Variants in PYGM observed in about 807,000 individuals in gnomAD.
PYGM encodes glycogen phosphorylase, muscle form.
PYGM carries 81 observed loss-of-function variants against 99.3 expected under a neutral mutation model. The ratio of observed to expected loss-of-function variants is 0.82; its 90% CI spans 0.68 to 0.98. The LOEUF (loss-of-function observed/expected upper bound fraction) is 0.98. Ranked by LOEUF, PYGM falls within the 50% of genes least tolerant of loss-of-function variation. The pLI is 0.00. For missense variants in PYGM, 1,030 were observed against 1,158.1 expected (o/e 0.89, Z 1.61); for synonymous variants, 436 against 451.5 (o/e 0.97, Z 0.44).
At chr11:64,750,667 G>A in intron 16 of PYGM, 84 bp from the exon 17 acceptor site, 2 of 1,360,222 alleles carry the variant, frequency 1.5e-6, no homozygotes, top group Non-Finnish European at 2.1e-6. Context: ...CTGGCCCCAG[G>A]CATAGCTGGA....
In PYGM at chr11:64,758,704, T is replaced by C; in HGVS notation, c.244A>G (p.Arg82Gly). ...QQHYYEKDPK[R>G]IYYLSLEFYM... ...AACTCTAAAGACAGGTAGTAGATCC[T>C]CTGCCCAGAGAGACGGATGGGCAGG... Residue 82 changes from arginine to glycine, a missense_variant and splice_region_variant, in exon 2 of 20, where the codon AGG becomes GGG. By Grantham distance (125) the Arg-to-Gly change is moderately radical. Transcript: ENST00000164139. 6.3e-7 allele frequency: 1 copy of C among 1,599,094 alleles called. No homozygotes were observed. Among genetic ancestry groups the C allele is most frequent in the South Asian group, 1.1e-5 (1 of 90,732 alleles).
Position 64,746,712 on chromosome 11 carries a change from A to C in PYGM, c.2476T>G (p.Trp826Gly). The change falls in exon 20 of 20, where the codon TGG becomes GGG. Residue 826 changes from tryptophan to glycine, a missense_variant. Trp to Gly is a radical substitution (Grantham distance 184). Coordinates refer to ENST00000164139, the MANE Select transcript of PYGM (RefSeq NM_005609.4). ...RTIAQYAREI[W>G]GVEPSRQRLP... is the part of the protein sequence containing the mutation. ...CGCTGGCGGGAAGGCTCCACACCCCAGATCTCCCGGGCATACTGGGCAATG... is the reference window on the plus strand; with the variant it reads ...CGCTGGCGGGAAGGCTCCACACCCCCGATCTCCCGGGCATACTGGGCAATG... 6.2e-7 allele frequency: 1 copy of C among 1,614,192 alleles called. No homozygotes were observed. The highest frequency in any genetic ancestry group is 1.7e-5 in the Admixed American group (1 of 60,020).
In PYGM at chr11:64,752,018, G is replaced by GA. The variant is rs1354208416; in HGVS notation, c.1673dup (p.Asn559GlnfsTer17). 1 of 1,613,958 alleles carries GA rather than the reference G, an allele frequency of 6.2e-7. No homozygotes were observed. The highest frequency in any genetic ancestry group is 1.3e-5 in the African/African-American group (1 of 74,900). ...GGATGTCGAAGAGTGAGTTGGGGTT[G>GA]ATGTGGACTTTGTATTCCCTCTCTA... On this transcript the variant is annotated frameshift_variant, in exon 14 of 20. Transcript: ENST00000164139. LOFTEE classifies it high-confidence loss of function.
At chr11:64,760,068 G>C, upstream of PYGM, 1 of 1,119,598 alleles carries the variant, frequency 8.9e-7, no homozygotes, top group South Asian at 1.6e-5. Context: ...GGCAGCTCAG[G>C]GAGCTATTTT....
rs1004312303 is a variant in PYGM at position 64,755,931 on chromosome 11, G to A, written c.661-373C>T. Among the ~76,000 whole-genome samples, 4 of 152,226 alleles carry A rather than the reference G, an allele frequency of 2.6e-5. No individual in the cohort carries two copies. Among genetic ancestry groups the A allele is most frequent in the Non-Finnish European group, 5.9e-5 (4 of 68,034 alleles). On this transcript the variant is annotated intron_variant, in intron 5 of 19. Coordinates refer to ENST00000164139, the MANE Select transcript of PYGM (RefSeq NM_005609.4). The surrounding 1 kb of genome is among the most constrained non-coding windows in gnomAD (Gnocchi z 4.1). ...TAGAGGACACTGTGGACTCATGAGA[G>A]GGCTGGGGGAACCCAGGGCCAGGCT...
In PYGM at chr11:64,754,513, C is replaced by A. The variant is rs1592412371; in HGVS notation, c.1000-168G>T. 3 of 505,064 alleles carry A rather than the reference C, an allele frequency of 5.9e-6. No individual in the cohort carries two copies. Among genetic ancestry groups the A allele is most frequent in the East Asian group, 1.3e-4 (2 of 15,480 alleles). The allele number at this position is 505,064 out of a possible 1,614,324, so 31.3% of individuals were successfully genotyped here. A position where few individuals can be genotyped will look rare whatever the true frequency, so the allele number is the denominator to read the frequency against. ...GGTGGGAGGAATGGGGGGAGTGGGG[C>A]GGGAGGAGGAGGGAAGCCCAGGTTC... On this transcript the variant is annotated intron_variant, in intron 8 of 19. Transcript: ENST00000164139. This position sits in a 1 kb window ranked among gnomAD's most constrained non-coding sequence, Gnocchi z 5.5.
At chr11:64,757,988 G>A in intron 4 of PYGM, 78 bp from the exon 5 acceptor site, 1 of 1,590,184 alleles carries the variant, frequency 6.3e-7, no homozygotes, top group Non-Finnish European at 8.6e-7. Context: ...GGCAGGGTGG[G>A]GGCCGTGGGC....
chr11:64,757,695 T>A, intron 5 of PYGM, 84 bp downstream of exon 5: 1 of 1,587,130 alleles, frequency 6.3e-7, no homozygotes, highest in Non-Finnish European at 8.6e-7. Context: ...AGGTGTAAAA[T>A]ACACTGGGTC....
In PYGM at chr11:64,759,657, T is replaced by C. The variant is rs771895781; in HGVS notation, c.242A>G (p.Lys81Arg). ...TQQHYYEKDPKRIYYLSLEFY... is the reference protein window; with the variant it reads ...TQQHYYEKDPRRIYYLSLEFY... ...CCACCCCAGGCTCCCCAGCAGCACC[T>C]TGGGGTCCTTCTCATAGTAGTGCTG... is the stretch of plus-strand genomic sequence containing the variant. Residue 81 changes from lysine (K) to arginine (R), a missense_variant and splice_region_variant, in exon 1 of 20, where the codon AAG becomes AGG. Lys to Arg is a conservative substitution (Grantham distance 26). Coordinates refer to ENST00000164139, the MANE Select transcript of PYGM (RefSeq NM_005609.4). The C allele has an allele frequency of 4.3e-5, 70 of 1,613,506 alleles. No individual in the cohort carries two copies. In the South Asian group the frequency reaches 6.9e-4, roughly 16 times the overall value.
intron 17 of PYGM, among the ~76,000 whole-genome samples, 156 bp downstream of exon 17, chr11:64,750,220 T>C (rs866273922): frequency 6.6e-6 from 1 of 152,226 alleles, no homozygotes; most frequent in African/African-American, 2.4e-5. Flanking sequence ...CCTTATTTGC[T>C]GTAAGCGCCC....
rs1312751218 is a variant in PYGM at position 64,747,265 on chromosome 11, G to A, written c.2271C>T (p.Asp757=). ...SSGFFSPKQP[D]LFKDIVNMLM... The stretch of plus-strand genomic sequence containing the variant: ...GCATATTGACAATGTCCTTGAACAG[G>A]TCGGGCTGTTTGGGGGAGAAGAAGC... The change falls in exon 18 of 20, where the codon GAC becomes GAT. Residue 757 remains aspartate, a synonymous_variant. Coordinates refer to ENST00000164139, the MANE Select transcript of PYGM (RefSeq NM_005609.4). The A allele has an allele frequency of 2.5e-6, 4 of 1,614,048 alleles. No homozygotes were observed. In the African/African-American group the frequency reaches 4.0e-5, roughly 16 times the overall value.
In PYGM at chr11:64,758,141, C is replaced by G. The variant is rs577365456; in HGVS notation, c.528+105G>C. ...GGGTGGGGAGCAGCAAGGATGCTTT[C>G]CACAGAGCTTGCGGGGCTGTTTCGG... On this transcript the variant is annotated intron_variant, in intron 4 of 19. Transcript: ENST00000164139. 42 of 1,434,556 alleles carry G rather than the reference C, an allele frequency of 2.9e-5. No homozygotes were observed. In the African/African-American group the frequency reaches 4.9e-4, roughly 17 times the overall value. 88.9% of individuals were successfully genotyped at this position (1,434,556 alleles called of 1,614,324 possible). A position where few individuals can be genotyped will look rare whatever the true frequency, so the allele number is the denominator to read the frequency against.
At position 64,752,516 on chromosome 11, in the gene PYGM, C is replaced by T. The variant is rs373078258; in HGVS notation, c.1519-12G>A. On this transcript the variant is annotated splice_polypyrimidine_tract_variant and intron_variant, in intron 12 of 19. Transcript: ENST00000164139. ...TCCTCCCCGATGCGCTATGGGAAGA[C>T]GGCTCTCAGCCAAGCCCATCCCCAT... 2.3e-4 allele frequency: 374 copies of T among 1,609,956 alleles called. 1 individual carries two copies. Among genetic ancestry groups the T allele is most frequent in the Middle Eastern group, 1.6e-4 (1 of 6,078 alleles).
upstream of PYGM, chr11:64,760,017 C>G (rs1458853485): frequency 2.8e-6 from 4 of 1,451,006 alleles, no homozygotes; most frequent in South Asian, 2.6e-5. Flanking sequence ...TGGCTCTGGG[C>G]AGCACGCCCC....
intron 1 of PYGM, 143 bp from the exon 2 acceptor site, chr11:64,758,847 A>C (rs2058413842): frequency 3.9e-6 from 3 of 763,590 alleles, no homozygotes. Flanking sequence ...TCCCTGTCTC[A>C]GGCTTTGGGG....
chr11:64,750,713 C>A, intron 16 of PYGM, 130 bp from the exon 17 acceptor site: 1 of 807,100 alleles, frequency 1.2e-6, no homozygotes, highest in South Asian at 1.6e-5. Flanking sequence ...CCAGTCTTCA[C>A]CAGCCAAGCC....
At position 64,757,991 on chromosome 11, in the gene PYGM, C is replaced by CTGTGGGG. The variant is rs1201789693; in HGVS notation, c.529-82_529-81insCCCCACA. 76 of 1,586,444 alleles carry CTGTGGGG rather than the reference C, an allele frequency of 4.8e-5. No homozygotes were observed. In the Admixed American group the frequency reaches 6.0e-4, roughly 13 times the overall value. On this transcript the variant is annotated intron_variant, in intron 4 of 19. Coordinates refer to ENST00000164139, the MANE Select transcript of PYGM (RefSeq NM_005609.4). ...AGTGCACGGTGGGGCAGGGTGGGGG[C>CTGTGGGG]CGTGGGCCGGTGTACCCTACACCAA...
Position 64,751,620 on chromosome 11 carries a change from G to A in PYGM, c.1804C>T (p.Arg602Trp), listed in dbSNP as rs750195683. 24 of 1,613,992 alleles carry A rather than the reference G, an allele frequency of 1.5e-5. No homozygotes were observed. The highest frequency in any genetic ancestry group is 6.6e-5 in the South Asian group (6 of 91,080). ...ACCTTCCCTCCAATCATCACAGTCC[G>A]AGGCACAAAAAACTTATTGGGCTCC... ...KREPNKFFVP[R>W]TVMIGGKAAP... is the part of the protein sequence containing the mutation. Residue 602 changes from arginine (R) to tryptophan (W), a missense_variant, in exon 15 of 20, where the codon CGG (arginine) becomes TGG (tryptophan). Arg to Trp is a moderately radical substitution (Grantham distance 101, BLOSUM62 -3). Transcript: ENST00000164139.
chr11:64,756,166 G>A (rs1180248722), intron 5 of PYGM, among the ~76,000 whole-genome samples: 1 of 152,194 alleles, frequency 6.6e-6, no homozygotes, highest in Non-Finnish European at 1.5e-5. Flanking sequence ...ACCCTGATTG[G>A]TGCAGGGTGG....
Sources: allele counts gnomAD v4.1 joint callset (sites outside exome capture counted in the v4.1 genomes callset), GRCh38; gene constraint gnomAD v4.1.1; non-coding constraint Gnocchi (gnomAD v3.1); transcripts MANE v1.5; gene names NCBI Gene and HGNC (gene_info 2026-07-23, HGNC 2026-07-21).